SH3RF1: variants seen among roughly 807,000 people sequenced by gnomAD.
SH3RF1 encodes SH3 domain containing ring finger 1, also known as E3 ubiquitin-protein ligase SH3RF1.
A neutral mutation model predicts 74.0 loss-of-function variants in SH3RF1; 32 were observed. The ratio of observed to expected loss-of-function variants is 0.43; its 90% CI spans 0.33 to 0.58. SH3RF1 has a LOEUF of 0.58. Ranked by LOEUF, SH3RF1 falls within the 20% of genes least tolerant of loss-of-function variation. The pLI, the probability that SH3RF1 is intolerant of heterozygous loss-of-function variation, is 0.05. For missense variants in SH3RF1, 954 were observed against 1,130.9 expected (o/e 0.84, Z 2.24); for synonymous variants, 396 against 439.6 (o/e 0.90, Z 1.24).
intron 11 of SH3RF1, among the ~76,000 whole-genome samples, chr4:169,105,422 C>G (rs1733116717): frequency 6.6e-6 from 1 of 152,270 alleles, no homozygotes; most frequent in Middle Eastern, 3.4e-3. Context: ...CTAACACATT[C>G]CTAGAACCCC....
intron 10 of SH3RF1, among the ~76,000 whole-genome samples, chr4:169,111,429 TA>T (rs1334518419): frequency 6.7e-6 from 1 of 149,178 alleles, no homozygotes; most frequent in African/African-American, 2.5e-5. Context: ...TAATTAAAAA[TA>T]ATTTTTTTTT....
chr4:169,210,677 T>C (rs1259944479), intron 2 of SH3RF1, among the ~76,000 whole-genome samples: 3 of 152,220 alleles, frequency 2.0e-5, no homozygotes, highest in Non-Finnish European at 4.4e-5. Context: ...GTGACCTGAC[T>C]GGATGTGTAA....
At chr4:169,205,057 A>G (rs1730228553) in intron 2 of SH3RF1, among the ~76,000 whole-genome samples, 1 of 152,254 alleles carries the variant, frequency 6.6e-6, no homozygotes, top group African/African-American at 2.4e-5. Flanking sequence ...AGCAACATGC[A>G]GTGGAGTTAC....
intron 1 of SH3RF1, 54 bp from the exon 2 acceptor site, chr4:169,269,361 A>G (rs1270469525): frequency 3.0e-6 from 2 of 665,090 alleles, no homozygotes; most frequent in South Asian, 2.4e-5. Context: ...TTATCTAGGG[A>G]AAAAGTTCAA....
chr4:169,180,485 T>A (rs1579123120), intron 2 of SH3RF1, among the ~76,000 whole-genome samples: 1 of 152,208 alleles, frequency 6.6e-6, no homozygotes, highest in East Asian at 1.9e-4. Context: ...CAGCTACATC[T>A]GTGCTGGTCT....
intron 2 of SH3RF1, among the ~76,000 whole-genome samples, chr4:169,267,359 C>T (rs1447938881): frequency 1.3e-5 from 2 of 152,212 alleles, no homozygotes; most frequent in African/African-American, 4.8e-5. Context: ...TGCAAATCTA[C>T]ACCTTTATTA....
intron 2 of SH3RF1, among the ~76,000 whole-genome samples, chr4:169,195,460 A>G (rs546935956): frequency 6.6e-6 from 1 of 152,324 alleles, no homozygotes; most frequent in East Asian, 1.9e-4. Flanking sequence ...GTTTGTAAAT[A>G]GAAGTTATTT....
At chr4:169,261,981 C>T (rs959162016) in intron 2 of SH3RF1, among the ~76,000 whole-genome samples, 2 of 151,794 alleles carry the variant, frequency 1.3e-5, no homozygotes, top group Non-Finnish European at 2.9e-5. Context: ...GAGAAAAATA[C>T]TATGAAGAAA....
intron 4 of SH3RF1, among the ~76,000 whole-genome samples, chr4:169,137,367 A>C (rs188592914): frequency 6.6e-6 from 1 of 152,290 alleles, no homozygotes; most frequent in East Asian, 1.9e-4. Flanking sequence ...TGTGCACTCC[A>C]CTGATATTAT....
Position 169,106,883 on chromosome 4 carries a change from G to C in SH3RF1, c.2462C>G (p.Pro821Arg), listed in dbSNP as rs1298998807. 5.0e-6 allele frequency: 8 copies of C among 1,612,206 alleles called. No individual in the cohort carries two copies. The highest frequency in any genetic ancestry group is 1.7e-5 in the Admixed American group (1 of 59,860). Residue 821 changes from proline to arginine, a missense_variant, in exon 11 of 12, where the codon CCT (proline) becomes CGT (arginine). Around this residue, in one of 3 missense-constraint regions of SH3RF1, gnomAD observed 854 missense variants for 962.5 expected, o/e 0.89. Transcript: ENST00000284637. ...GACAGGTCTAGACTCATTCAAGACA[G>C]GACCCAGGGAGGAACAGGCCTGGCG... ...PPRQACSSLG[P>R]VLNESRPVVC...
At position 169,139,549 on chromosome 4, in the gene SH3RF1, T is replaced by G. The variant is rs535124832; in HGVS notation, c.766-2929A>C. 2.6e-5 allele frequency among the ~76,000 whole-genome samples: 4 copies of G among 152,342 alleles called. No homozygotes were observed. In the South Asian group the frequency reaches 6.2e-4, roughly 24 times the overall value. ...GGTTTTCTTTCCTCCTTTCCTGTCT[T>G]CCTTCCTTCCAATAGACAGTGGCTA... is the stretch of plus-strand genomic sequence containing the variant. On this transcript the variant is annotated intron_variant, in intron 4 of 11. Transcript: ENST00000284637.
chr4:169,156,718 T>G (rs1442558834), intron 2 of SH3RF1, 39 bp from the exon 3 acceptor site: 1 of 1,529,972 alleles, frequency 6.5e-7, no homozygotes, highest in Non-Finnish European at 8.8e-7. Context: ...AATAAAATAA[T>G]GGTCTTAAAA....
chr4:169,159,582 T>C (rs1447602792), intron 2 of SH3RF1, among the ~76,000 whole-genome samples: 1 of 152,214 alleles, frequency 6.6e-6, no homozygotes, highest in Non-Finnish European at 1.5e-5. Flanking sequence ...TTTCTTCATT[T>C]GGGCTGTTGT....
At chr4:169,158,440 A>G (rs965210575) in intron 2 of SH3RF1, among the ~76,000 whole-genome samples, 2 of 152,220 alleles carry the variant, frequency 1.3e-5, no homozygotes, top group African/African-American at 4.8e-5. Context: ...TACGGAACAT[A>G]AAGGAGAGGT....
At chr4:169,104,416 CTTAGAG>C (rs1733097145) in intron 11 of SH3RF1, among the ~76,000 whole-genome samples, 1 of 152,092 alleles carries the variant, frequency 6.6e-6, no homozygotes, top group African/African-American at 2.4e-5. Flanking sequence ...AAGGTTGACT[CTTAGAG>C]TAAGAGATTC....
chr4:169,103,805 T>C (rs570654179), intron 11 of SH3RF1, among the ~76,000 whole-genome samples: 8 of 152,206 alleles, frequency 5.3e-5, no homozygotes, highest in South Asian at 2.1e-4. Flanking sequence ...TAATATTCCA[T>C]TGAACATATG....
At chr4:169,264,646 C>T (rs187730350) in intron 2 of SH3RF1, among the ~76,000 whole-genome samples, 5 of 152,324 alleles carry the variant, frequency 3.3e-5, no homozygotes, top group Non-Finnish European at 4.4e-5. Context: ...GCTCCAATCC[C>T]GTATCTGTTC....
intron 2 of SH3RF1, among the ~76,000 whole-genome samples, chr4:169,241,442 T>C (rs1730908889): frequency 6.6e-6 from 1 of 152,172 alleles, no homozygotes; most frequent in Admixed American, 6.5e-5. Flanking sequence ...TGGTCTAATT[T>C]TGTAGGAGCT....
chr4:169,127,490 C>T (rs1442327875), intron 6 of SH3RF1, among the ~76,000 whole-genome samples: 2 of 152,202 alleles, frequency 1.3e-5, no homozygotes, highest in African/African-American at 4.8e-5. Flanking sequence ...AGATTTTCCA[C>T]TTAAACCTGA....
Sources: gnomAD v4.1 joint callset for allele counts (sites outside exome capture counted in the v4.1 genomes callset) on GRCh38, gnomAD v4.1.1 for gene constraint, gnomAD v4.1.1 regional missense constraint, MANE v1.5 for transcripts, NCBI Gene and HGNC (gene_info 2026-07-23, HGNC 2026-07-21) for gene names.